Variants in PACRG observed in about 807,000 individuals in gnomAD.
The protein encoded by PACRG is parkin coregulated.
PACRG carries 29 observed loss-of-function variants against 29.7 expected under a neutral mutation model. That is an observed-to-expected ratio of 0.98 (90% CI 0.73 to 1.33). PACRG has a LOEUF of 1.33. PACRG is among the 40% of genes most tolerant of loss of function. PACRG has a pLI of 0.00. For missense variants in PACRG, 279 were observed against 316.2 expected, an observed-to-expected ratio of 0.88 and a Z score of 0.89; for synonymous variants, 116 against 118.7, an observed-to-expected ratio of 0.98 and a Z score of 0.15.
chr6:162,949,685 A>G (rs1233124385), intron 2 of PACRG, among the ~76,000 whole-genome samples: 2 of 152,206 alleles, frequency 1.3e-5, no homozygotes, highest in African/African-American at 4.8e-5. Flanking sequence ...CCAGTGATAC[A>G]TACTTTTGAG....
intron 4 of PACRG, among the ~76,000 whole-genome samples, chr6:163,198,814 G>C (rs778978868): frequency 1.3e-5 from 2 of 152,168 alleles, no homozygotes; most frequent in Admixed American, 1.3e-4. Context: ...TGCCCAAGGC[G>C]GTTGGGGCAC....
chr6:162,968,854 C>T (rs1166466574), intron 2 of PACRG, among the ~76,000 whole-genome samples: 1 of 151,968 alleles, frequency 6.6e-6, no homozygotes, highest in Non-Finnish European at 1.5e-5. Flanking sequence ...CGAGATCAGC[C>T]TGGCCAACAT....
intron 3 of PACRG, among the ~76,000 whole-genome samples, chr6:163,069,756 A>G (rs1410599266): frequency 6.6e-6 from 1 of 152,168 alleles, no homozygotes; most frequent in Non-Finnish European, 1.5e-5. Context: ...GCAAAAGGAT[A>G]ATAACAGAGA....
rs898468253 is a variant in PACRG at position 162,956,609 on chromosome 6, G to A, written c.292-105541G>A. ...ACTCTGCGGGGCAGAATCCCTCCTC[G>A]CCTCTTCCAGCTTCTGGTGGTCTCA... On this transcript the variant is annotated intron_variant, in intron 2 of 4. Coordinates refer to ENST00000366888, the MANE Select transcript of PACRG (RefSeq NM_001080379.2). Among the ~76,000 whole-genome samples, 14 of 152,098 alleles carry A rather than the reference G, an allele frequency of 9.2e-5. No homozygotes were observed. The South Asian group carries it at 1.5e-3, about 16-fold the overall frequency.
chr6:163,168,903 G>C (rs1778941212), intron 4 of PACRG, among the ~76,000 whole-genome samples: 1 of 151,486 alleles, frequency 6.6e-6, no homozygotes, highest in East Asian at 2.0e-4. Flanking sequence ...CAGTCTGAAA[G>C]TTTGAAAGTT....
At chr6:163,211,052 C>G (rs1299685691) in intron 4 of PACRG, among the ~76,000 whole-genome samples, 2 of 152,126 alleles carry the variant, frequency 1.3e-5, no homozygotes. Flanking sequence ...ATTTTTTCTC[C>G]TAGGCTTACA....
At chr6:163,234,739 T>G (rs1230429951) in intron 4 of PACRG, among the ~76,000 whole-genome samples, 1 of 152,144 alleles carries the variant, frequency 6.6e-6, no homozygotes, top group East Asian at 1.9e-4. Flanking sequence ...AGTCAAAAAT[T>G]TCTCTTGGAG....
At chr6:163,199,528 C>G (rs1463919667) in intron 4 of PACRG, among the ~76,000 whole-genome samples, 1 of 152,166 alleles carries the variant, frequency 6.6e-6, no homozygotes, top group African/African-American at 2.4e-5. Context: ...AGGACCTAGG[C>G]CTTGATCACA....
intron 2 of PACRG, among the ~76,000 whole-genome samples, chr6:162,823,804 C>T (rs972193801): frequency 5.3e-5 from 8 of 152,126 alleles, no homozygotes; most frequent in East Asian, 1.9e-4. Context: ...TGAACCACCG[C>T]GCCTGGCCAG....
chr6:162,801,448 A>G (rs1028586416), intron 1 of PACRG, among the ~76,000 whole-genome samples: 2 of 151,960 alleles, frequency 1.3e-5, no homozygotes, highest in African/African-American at 4.8e-5. Flanking sequence ...ATAGCATTGC[A>G]TCTTTCTCAT....
intron 2 of PACRG, among the ~76,000 whole-genome samples, chr6:162,869,344 G>A (rs556135082): frequency 1.2e-4 from 19 of 152,068 alleles, no homozygotes; most frequent in African/African-American, 4.3e-4. Flanking sequence ...TATTATTTGG[G>A]AATAATAAAT....
chr6:162,907,855 A>G (rs935035468), intron 2 of PACRG, among the ~76,000 whole-genome samples: 7 of 152,236 alleles, frequency 4.6e-5, no homozygotes, highest in Admixed American at 1.3e-4. Flanking sequence ...TCTATCTTTC[A>G]GAATTTATGT....
chr6:163,237,226 G>A (rs1243648096), intron 4 of PACRG, among the ~76,000 whole-genome samples: 1 of 152,010 alleles, frequency 6.6e-6, no homozygotes, highest in Non-Finnish European at 1.5e-5. Context: ...TAGTTGGTGG[G>A]TGGGGTTTTT....
intron 2 of PACRG, among the ~76,000 whole-genome samples, chr6:162,863,389 A>G (rs1467930059): frequency 1.3e-5 from 2 of 152,354 alleles, no homozygotes; most frequent in East Asian, 3.9e-4. Context: ...TACAAGCCTT[A>G]TGTTGTCACT....
chr6:163,244,869 G>T, intron 4 of PACRG: 1 of 266,124 alleles, frequency 3.8e-6, no homozygotes, highest in South Asian at 4.2e-5. Flanking sequence ...CTAAAAAATT[G>T]CAGAGCTGTA....
At chr6:163,223,493 C>T (rs1037686609) in intron 4 of PACRG, among the ~76,000 whole-genome samples, 17 of 152,092 alleles carry the variant, frequency 1.1e-4, no homozygotes, top group African/African-American at 3.9e-4. Flanking sequence ...TCTGAGTGCC[C>T]ACTGAGCTCC....
chr6:162,862,076 C>T (rs890409989), intron 2 of PACRG, among the ~76,000 whole-genome samples: 2 of 152,164 alleles, frequency 1.3e-5, no homozygotes, highest in Non-Finnish European at 2.9e-5. Flanking sequence ...CTTGACCACA[C>T]GTTGGTCAGA....
intron 2 of PACRG, among the ~76,000 whole-genome samples, chr6:162,954,585 A>T (rs1799885629): frequency 6.6e-6 from 1 of 152,170 alleles, no homozygotes; most frequent in Admixed American, 6.5e-5. Flanking sequence ...CTGCAATTAC[A>T]CTTCCCACTA....
intron 4 of PACRG, among the ~76,000 whole-genome samples, chr6:163,144,343 TACATACAC>T (rs1231911762): frequency 2.9e-5 from 4 of 137,228 alleles, no homozygotes; most frequent in Non-Finnish European, 6.2e-5. Flanking sequence ...TACACACACA[TACATACAC>T]ACACACACAC....
Sources: gnomAD v4.1 joint callset for allele counts (sites outside exome capture counted in the v4.1 genomes callset) on GRCh38, gnomAD v4.1.1 for gene constraint, MANE v1.5 for transcripts, NCBI Gene and HGNC (gene_info 2026-07-23, HGNC 2026-07-21) for gene names.